SMC1B: variants seen among roughly 807,000 people sequenced by gnomAD.
SMC1B encodes the protein structural maintenance of chromosomes protein 1B.
A neutral mutation model predicts 157.9 loss-of-function variants in SMC1B; 60 were observed. The observed-to-expected ratio is 0.38, with a 90% CI of 0.31 to 0.47. The LOEUF is 0.47. Ranked by LOEUF, SMC1B falls within the 20% of genes least tolerant of loss-of-function variation. The probability of loss-of-function intolerance (pLI) is 0.99; values close to 1 mark genes in which losing one functional copy is unlikely to be tolerated. For synonymous variants in SMC1B, 445 were observed against 483.0 expected, an observed-to-expected ratio of 0.92 and a Z score of 1.03; for missense variants, 1,165 against 1,426.2, an observed-to-expected ratio of 0.82 and a Z score of 2.95.
intron 11 of SMC1B, among the ~76,000 whole-genome samples, chr22:45,386,448 C>G (rs1182483059): frequency 2.0e-5 from 3 of 151,916 alleles, no homozygotes; most frequent in African/African-American, 7.3e-5. Context: ...CTTGAATATG[C>G]AAAAGGACAG....
chr22:45,364,824 CTTTTT>C (rs202166311), intron 15 of SMC1B, among the ~76,000 whole-genome samples: 3 of 105,500 alleles, frequency 2.8e-5, no homozygotes, highest in Non-Finnish European at 5.4e-5. Flanking sequence ...ATCTCTTTTC[CTTTTT>C]TTTTTTTTTT....
chr22:45,360,182 A>C (rs2086707840), intron 17 of SMC1B, among the ~76,000 whole-genome samples: 1 of 152,152 alleles, frequency 6.6e-6, no homozygotes, highest in African/African-American at 2.4e-5. Context: ...TCCACTAATA[A>C]ATGTTACTGA....
At chr22:45,360,924 G>A (rs976990950) in intron 17 of SMC1B, among the ~76,000 whole-genome samples, 3 of 151,040 alleles carry the variant, frequency 2.0e-5, no homozygotes, top group East Asian at 3.9e-4. Context: ...AATTCAAATC[G>A]TCATTGCCAT....
chr22:45,381,507 A>G (rs578134206), intron 12 of SMC1B, among the ~76,000 whole-genome samples: 37 of 152,160 alleles, frequency 2.4e-4, no homozygotes, highest in Non-Finnish European at 4.4e-4. Flanking sequence ...GCATCTTCAC[A>G]TGGGACAAAT....
chr22:45,408,372 G>A (rs968056121), intron 2 of SMC1B, among the ~76,000 whole-genome samples: 24 of 152,084 alleles, frequency 1.6e-4, no homozygotes, highest in Non-Finnish European at 1.0e-4. Flanking sequence ...TGATCCGCCC[G>A]CCTCGGCCTC....
intron 15 of SMC1B, among the ~76,000 whole-genome samples, chr22:45,367,230 T>C (rs1040880984): frequency 3.0e-4 from 46 of 152,204 alleles, no homozygotes; most frequent in African/African-American, 9.9e-4. Flanking sequence ...TGGCTTGTTT[T>C]TGTTTTTTTA....
intron 4 of SMC1B, among the ~76,000 whole-genome samples, chr22:45,405,191 G>A (rs1001007147): frequency 1.3e-5 from 2 of 152,100 alleles, no homozygotes; most frequent in Admixed American, 6.6e-5. Flanking sequence ...ACATAATAAA[G>A]GTCAAGGTGG....
intron 23 of SMC1B, 101 bp downstream of exon 23, chr22:45,349,627 C>T (rs558310771): frequency 2.8e-6 from 3 of 1,059,406 alleles, no homozygotes; most frequent in South Asian, 1.4e-5. Flanking sequence ...AGCCACCGTG[C>T]CTAGACCAAG....
intron 7 of SMC1B, among the ~76,000 whole-genome samples, chr22:45,395,309 G>A (rs1408269285): frequency 6.6e-6 from 1 of 152,098 alleles, no homozygotes; most frequent in East Asian, 1.9e-4. Flanking sequence ...GGAAAGTTTT[G>A]TTCTATTCAC....
chr22:45,358,120 G>A (rs2086687053), intron 19 of SMC1B, among the ~76,000 whole-genome samples: 1 of 152,140 alleles, frequency 6.6e-6, no homozygotes, highest in Non-Finnish European at 1.5e-5. Context: ...ATGCTGGGAG[G>A]GTGACATGCC....
chr22:45,392,045 C>G (rs2087065101), intron 9 of SMC1B, among the ~76,000 whole-genome samples: 1 of 152,154 alleles, frequency 6.6e-6, no homozygotes, highest in Non-Finnish European at 1.5e-5. Flanking sequence ...CTCCCGGGTT[C>G]AAGCAATTCT....
chr22:45,410,715 ATAAT>A (rs942191149), intron 1 of SMC1B, among the ~76,000 whole-genome samples: 8 of 152,188 alleles, frequency 5.3e-5, no homozygotes, highest in South Asian at 2.1e-4. Flanking sequence ...GACAAAAGAA[ATAAT>A]TAATTAATTT....
At chr22:45,380,965 T>C (rs1419852125) in intron 12 of SMC1B, among the ~76,000 whole-genome samples, 1 of 151,244 alleles carries the variant, frequency 6.6e-6, no homozygotes, top group African/African-American at 2.4e-5. Context: ...AAGTACTTTT[T>C]TTTTTTTTTT....
At chr22:45,385,282 C>G (rs1232246426) in intron 11 of SMC1B, among the ~76,000 whole-genome samples, 2 of 152,060 alleles carry the variant, frequency 1.3e-5, no homozygotes, top group Non-Finnish European at 2.9e-5. Context: ...GTAGTTTATA[C>G]ATACTATAGT....
intron 10 of SMC1B, among the ~76,000 whole-genome samples, chr22:45,387,888 C>T (rs928271140): frequency 4.0e-5 from 6 of 151,898 alleles, no homozygotes; most frequent in Admixed American, 6.6e-5. Context: ...AAAAATTAAC[C>T]GGGTGTGGTG....
intron 23 of SMC1B, among the ~76,000 whole-genome samples, chr22:45,349,347 GT>G (rs1015457916): frequency 6.8e-6 from 1 of 146,926 alleles, no homozygotes; most frequent in Non-Finnish European, 1.5e-5. Flanking sequence ...GTTTTGTTTT[GT>G]TTTTTTGAGA....
At chr22:45,368,622 A>G (rs1408005584) in intron 15 of SMC1B, among the ~76,000 whole-genome samples, 1 of 151,616 alleles carries the variant, frequency 6.6e-6, no homozygotes, top group East Asian at 1.9e-4. Flanking sequence ...GGTTCAAGCA[A>G]TTCTCTGCCT....
At chr22:45,368,684 T>G (rs980655753) in intron 15 of SMC1B, among the ~76,000 whole-genome samples, 6 of 151,246 alleles carry the variant, frequency 4.0e-5, no homozygotes, top group Admixed American at 2.0e-4. Flanking sequence ...GCCTGGCTAA[T>G]TTTTGTATTT....
At chr22:45,369,735 G>A (rs914052090) in intron 15 of SMC1B, among the ~76,000 whole-genome samples, 5 of 151,336 alleles carry the variant, frequency 3.3e-5, no homozygotes, top group African/African-American at 1.2e-4. Context: ...TAGTAGAGAC[G>A]GGGTTTCACC....
Sources: gnomAD v4.1 joint callset for allele counts (sites outside exome capture counted in the v4.1 genomes callset) on GRCh38, gnomAD v4.1.1 for gene constraint, MANE v1.5 for transcripts, NCBI Gene and HGNC (gene_info 2026-07-23, HGNC 2026-07-21) for gene names.